MUSK: variants seen among roughly 807,000 people sequenced by gnomAD.
MUSK encodes the protein muscle associated receptor tyrosine kinase.
In MUSK, 55 loss-of-function variants were observed where a neutral mutation model predicts 88.7. The observed-to-expected ratio is 0.62, with a 90% confidence interval of 0.50 to 0.78. MUSK has a LOEUF of 0.78. MUSK is among the 30% of genes least tolerant of loss of function. The pLI, the probability that MUSK is intolerant of heterozygous loss-of-function variation, is 0.00. For synonymous variants in MUSK, 387 were observed against 391.9 expected (o/e 0.99, Z 0.15); for missense variants, 1,015 against 1,074.3 (o/e 0.94, Z 0.77).
At chr9:110,765,725 C>T (rs143176713) in intron 8 of MUSK, among the ~76,000 whole-genome samples, 1 of 151,880 alleles carries the variant, frequency 6.6e-6, no homozygotes, top group African/African-American at 2.4e-5. Flanking sequence ...AGATGTCCGC[C>T]ACCACGCCCG....
chr9:110,723,174 T>C (rs116789413), intron 5 of MUSK, among the ~76,000 whole-genome samples: 144 of 151,054 alleles, frequency 9.5e-4, no homozygotes, highest in African/African-American at 3.3e-3. Flanking sequence ...ATGTGAGACA[T>C]ATAAATACAC....
intron 5 of MUSK, among the ~76,000 whole-genome samples, chr9:110,699,654 G>T (rs1376466805): frequency 6.6e-6 from 1 of 152,060 alleles, no homozygotes; most frequent in African/African-American, 2.4e-5. Context: ...ACTGAGAAAT[G>T]ACTGGAAAAA....
intron 7 of MUSK, among the ~76,000 whole-genome samples, chr9:110,757,771 TTATTA>T (rs970801128): frequency 2.0e-5 from 3 of 152,292 alleles, no homozygotes; most frequent in Admixed American, 6.5e-5. Context: ...CTACTTTCCT[TTATTA>T]TAAGAGTCTA....
chr9:110,727,635 G>A, intron 5 of MUSK: 1 of 205,986 alleles, frequency 4.9e-6, no homozygotes, highest in Non-Finnish European at 1.0e-5. Context: ...CCATGATGCG[G>A]TTGCTGGCGG....
intron 5 of MUSK, among the ~76,000 whole-genome samples, chr9:110,714,239 A>C (rs931942551): frequency 3.3e-5 from 5 of 152,194 alleles, no homozygotes; most frequent in African/African-American, 1.2e-4. Flanking sequence ...GACTGAAACA[A>C]AAACAAGTAA....
chr9:110,711,796 C>G (rs1047146017), intron 5 of MUSK, among the ~76,000 whole-genome samples: 10 of 152,138 alleles, frequency 6.6e-5, no homozygotes, highest in Non-Finnish European at 1.2e-4. Context: ...CTTTGAGATT[C>G]TTTTTAATCA....
In MUSK at chr9:110,771,834, A is replaced by G. The variant is rs1463436087; in HGVS notation, c.1184+3751A>G. ...ATCAACCAAATAATTTATTCCTGCA[A>G]TTTGTAGTTTATTCCAATTTTGTTT... On this transcript the variant is annotated intron_variant, in intron 9 of 14. Transcript: ENST00000374448. 2.0e-5 allele frequency among the ~76,000 whole-genome samples: 3 copies of G among 152,130 alleles called. No homozygotes were observed. In the East Asian group the frequency reaches 5.8e-4, roughly 29 times the overall value.
chr9:110,693,693 A>T (rs2076388538), intron 3 of MUSK, among the ~76,000 whole-genome samples: 1 of 152,216 alleles, frequency 6.6e-6, no homozygotes, highest in Non-Finnish European at 1.5e-5. Flanking sequence ...CTCACCTAAC[A>T]GATGACCAAG....
chr9:110,687,307 G>A, intron 3 of MUSK, 39 bp downstream of exon 3: 2 of 1,608,972 alleles, frequency 1.2e-6, no homozygotes, highest in African/African-American at 1.3e-5. Context: ...TTTGAAAGTT[G>A]ACTTGGTACA....
chr9:110,788,667 A>G (rs1258923690), intron 14 of MUSK, among the ~76,000 whole-genome samples: 1 of 151,694 alleles, frequency 6.6e-6, no homozygotes, highest in Non-Finnish European at 1.5e-5. Flanking sequence ...GTGCTCTCAT[A>G]GAGCATACAT....
At chr9:110,693,329 G>A (rs968549614) in intron 3 of MUSK, among the ~76,000 whole-genome samples, 6 of 151,714 alleles carry the variant, frequency 4.0e-5, no homozygotes, top group Admixed American at 6.6e-5. Context: ...GATATACACC[G>A]GTGTGGCCAT....
intron 9 of MUSK, among the ~76,000 whole-genome samples, chr9:110,773,516 T>G (rs1020260208): frequency 3.3e-5 from 5 of 152,176 alleles, no homozygotes; most frequent in Non-Finnish European, 7.4e-5. Flanking sequence ...TACTTATCAT[T>G]GATACTCATT....
chr9:110,785,486 G>T, intron 12 of MUSK, 41 bp from the exon 13 acceptor site: 1 of 1,500,936 alleles, frequency 6.7e-7, no homozygotes, highest in East Asian at 2.3e-5. Flanking sequence ...GATCTAACCT[G>T]CTTCTGAGCT....
chr9:110,692,213 G>C (rs1236642106), intron 3 of MUSK, among the ~76,000 whole-genome samples: 1 of 152,062 alleles, frequency 6.6e-6, no homozygotes, highest in East Asian at 1.9e-4. Context: ...AGGCTGTAGT[G>C]CAGTTGTGTG....
At chr9:110,723,447 A>G (rs768795153) in intron 5 of MUSK, among the ~76,000 whole-genome samples, 1 of 151,660 alleles carries the variant, frequency 6.6e-6, no homozygotes, top group Non-Finnish European at 1.5e-5. Context: ...TAAGAACGAC[A>G]CATTAGACTT....
At chr9:110,797,162 C>CAAAA (rs34924295) in intron 14 of MUSK, among the ~76,000 whole-genome samples, 2 of 16,816 alleles carry the variant, frequency 1.2e-4, no homozygotes, top group African/African-American at 2.2e-4. Context: ...CATGAATACC[C>CAAAA]AAAAAAAAAA....
chr9:110,673,315 C>CA (rs2075984519), intron 1 of MUSK, among the ~76,000 whole-genome samples: 1 of 152,192 alleles, frequency 6.6e-6, no homozygotes. Flanking sequence ...TCAGCTCTAT[C>CA]ACTTCCTATT....
At chr9:110,774,922 C>T (rs1011919) in intron 9 of MUSK, among the ~76,000 whole-genome samples, 44,961 of 151,932 alleles carry the variant, frequency 0.3, 7,790 homozygotes, top group African/African-American at 0.46. Context: ...CTGAATCCTT[C>T]AGATACTGAA....
At chr9:110,731,575 T>C (rs964250686) in intron 5 of MUSK, among the ~76,000 whole-genome samples, 1 of 152,042 alleles carries the variant, frequency 6.6e-6, no homozygotes, top group Admixed American at 6.6e-5. Flanking sequence ...CCTGGCCTTA[T>C]TGTCCTCTTA....
Sources: gnomAD v4.1 joint callset for allele counts (sites outside exome capture counted in the v4.1 genomes callset) on GRCh38, gnomAD v4.1.1 for gene constraint, MANE v1.5 for transcripts, NCBI Gene and HGNC (gene_info 2026-07-23, HGNC 2026-07-21) for gene names.